Variants in MAF observed in about 807,000 individuals in gnomAD.
MAF encodes the protein transcription factor Maf.
A neutral mutation model predicts 22.0 loss-of-function variants in MAF; 10 were observed. That is an observed-to-expected ratio of 0.45 (90% CI 0.28 to 0.77). MAF has a LOEUF of 0.77. Among genes scored for constraint, MAF ranks in the 30% least tolerant of loss-of-function variants. The pLI is 0.12. For missense variants in MAF, 544 were observed against 548.4 expected (o/e 0.99, Z 0.08); for synonymous variants, 337 against 255.8 (o/e 1.32, Z -3.03).
chr16:79,372,468 G>T, the MAF span, among the ~76,000 whole-genome samples: 1 of 152,176 alleles, frequency 6.6e-6, no homozygotes, highest in Non-Finnish European at 1.5e-5. Flanking sequence ...TTAAAAGCAT[G>T]TTAAAATATT....
chr16:79,372,669 TCA>T, the MAF span, among the ~76,000 whole-genome samples: 1 of 152,106 alleles, frequency 6.6e-6, no homozygotes, highest in Admixed American at 6.5e-5. Flanking sequence ...TCCGTGTGAA[TCA>T]CAGTTATTGA....
chr16:79,251,442 A>G, the MAF span, among the ~76,000 whole-genome samples: 1 of 151,196 alleles, frequency 6.6e-6, no homozygotes, highest in Non-Finnish European at 1.5e-5. Context: ...CAGCCTCCAG[A>G]GTAGCTGGGA....
the MAF span, among the ~76,000 whole-genome samples, chr16:79,285,393 C>T: frequency 6.6e-6 from 1 of 151,432 alleles, no homozygotes; most frequent in Non-Finnish European, 1.5e-5. Flanking sequence ...TTCTTGATAG[C>T]TCCTTTAGGA....
chr16:79,389,345 T>A, the MAF span, among the ~76,000 whole-genome samples: 1 of 152,174 alleles, frequency 6.6e-6, no homozygotes, highest in Non-Finnish European at 1.5e-5. Flanking sequence ...CACTACAACC[T>A]CTGCCTCCTG....
At chr16:79,405,209 G>A in the MAF span, among the ~76,000 whole-genome samples, 14 of 152,190 alleles carry the variant, frequency 9.2e-5, no homozygotes, top group East Asian at 5.8e-4. Context: ...ATGTCCAAAG[G>A]ATGGAGGGGC....
the MAF span, among the ~76,000 whole-genome samples, chr16:79,490,899 G>A: frequency 6.6e-6 from 1 of 152,156 alleles, no homozygotes; most frequent in African/African-American, 2.4e-5. Context: ...GAAGGAAGAG[G>A]CGGGGTGATT....
chr16:79,556,539 G>C, the MAF span, among the ~76,000 whole-genome samples: 3 of 152,206 alleles, frequency 2.0e-5, no homozygotes, highest in South Asian at 2.1e-4. Flanking sequence ...GTGTTAAAAG[G>C]ATTGGACCCA....
the MAF span, among the ~76,000 whole-genome samples, chr16:79,529,315 G>C: frequency 1.5e-4 from 23 of 152,232 alleles, no homozygotes; most frequent in South Asian, 4.2e-3. Context: ...CCCCTCTCTA[G>C]CTGGAAGTTG....
At chr16:79,212,769 TAAAGCGCTTCTC>T in the MAF span, 24 of 152,218 alleles carry the variant, frequency 1.6e-4, no homozygotes, top group African/African-American at 5.5e-4. Context: ...GCGCTTCTAA[TAAAGCGCTTCTC>T]GTAGATGCCA....
At chr16:79,354,334 G>A in the MAF span, among the ~76,000 whole-genome samples, 10 of 152,150 alleles carry the variant, frequency 6.6e-5, no homozygotes, top group Non-Finnish European at 1.2e-4. Flanking sequence ...GGATGCAACA[G>A]GAGAGGAACA....
At chr16:79,495,049 C>A in the MAF span, among the ~76,000 whole-genome samples, 9 of 152,286 alleles carry the variant, frequency 5.9e-5, no homozygotes, top group Non-Finnish European at 1.0e-4. Context: ...GTCACCCCCC[C>A]AGACACCCTG....
chr16:79,397,008 A>G, the MAF span, among the ~76,000 whole-genome samples: 237 of 152,332 alleles, frequency 1.6e-3, no homozygotes, highest in African/African-American at 5.4e-3. Context: ...TGCACGAGTC[A>G]TTTATTACCT....
At chr16:79,320,257 C>G in the MAF span, among the ~76,000 whole-genome samples, 2 of 152,074 alleles carry the variant, frequency 1.3e-5, no homozygotes, top group South Asian at 4.1e-4. Context: ...TTAAAGGTCA[C>G]CAAAGAATAG....
At chr16:79,321,911 G>A in the MAF span, among the ~76,000 whole-genome samples, 1 of 151,912 alleles carries the variant, frequency 6.6e-6, no homozygotes, top group African/African-American at 2.4e-5. Flanking sequence ...GGTCCTGGGT[G>A]ACCAAGAACT....
the MAF span, among the ~76,000 whole-genome samples, chr16:79,279,458 C>T: frequency 6.6e-6 from 1 of 152,150 alleles, no homozygotes; most frequent in African/African-American, 2.4e-5. Flanking sequence ...CATGGACTTG[C>T]TTTCTGAGTA....
chr16:79,340,841 C>T, the MAF span, among the ~76,000 whole-genome samples: 1 of 152,144 alleles, frequency 6.6e-6, no homozygotes. Context: ...CATTCCCCAT[C>T]TTCCATTGGG....
the MAF span, among the ~76,000 whole-genome samples, chr16:79,545,319 T>C: frequency 2.0e-5 from 3 of 152,074 alleles, no homozygotes; most frequent in Non-Finnish European, 4.4e-5. Context: ...AGGTGGGGAA[T>C]GCAGAACTGG....
the MAF span, among the ~76,000 whole-genome samples, chr16:79,369,345 C>G: frequency 6.6e-6 from 1 of 152,168 alleles, no homozygotes; most frequent in Non-Finnish European, 1.5e-5. Flanking sequence ...CCCAGTGATT[C>G]TTGGGAGTCA....
At chr16:79,376,621 C>A in the MAF span, among the ~76,000 whole-genome samples, 1 of 152,078 alleles carries the variant, frequency 6.6e-6, no homozygotes, top group Admixed American at 6.5e-5. Context: ...TGGTTTGCTG[C>A]ACCCATTAAC....
Sources: allele counts gnomAD v4.1 joint callset (sites outside exome capture counted in the v4.1 genomes callset), GRCh38; gene constraint gnomAD v4.1.1; transcripts MANE v1.5; gene names NCBI Gene and HGNC (gene_info 2026-07-23, HGNC 2026-07-21).